Variants in HIVEP1 observed in about 807,000 individuals in gnomAD.
The protein encoded by HIVEP1 is zinc finger protein 40.
Under a neutral mutation model 180.0 loss-of-function variants are expected in HIVEP1, and 36 were observed. The ratio of observed to expected loss-of-function variants is 0.20; its 90% CI spans 0.15 to 0.26. The LOEUF (loss-of-function observed/expected upper bound fraction) is 0.26, where lower values mean the gene tolerates loss of function less well. HIVEP1 is among the 10% of genes least tolerant of loss of function. The probability of loss-of-function intolerance (pLI) is 1.00; values close to 1 mark genes in which losing one functional copy is unlikely to be tolerated. For missense variants in HIVEP1, 3,143 were observed against 3,268.7 expected, an observed-to-expected ratio of 0.96 and a Z score of 0.94; for synonymous variants, 1,239 against 1,239.0, an observed-to-expected ratio of 1.00 and a Z score of 0.00.
chr6:12,019,167 G>C (rs1214653623), intron 2 of HIVEP1, among the ~76,000 whole-genome samples: 1 of 152,158 alleles, frequency 6.6e-6, no homozygotes, highest in African/African-American at 2.4e-5. Flanking sequence ...TCAGGGAAGC[G>C]GCGGCTTCTG....
At position 12,121,407 on chromosome 6, in the gene HIVEP1, C is replaced by A; in HGVS notation, c.1612C>A (p.Pro538Thr). Residue 538 changes from proline to threonine, a missense_variant, in exon 4 of 9, where the codon CCA becomes ACA. Around this residue, in one of 12 missense-constraint regions of HIVEP1, gnomAD observed 365 missense variants for 344.4 expected, o/e 1.06. Coordinates refer to ENST00000379388, the MANE Select transcript of HIVEP1 (RefSeq NM_002114.4). The surrounding 1 kb of genome is among the most constrained non-coding windows in gnomAD (Gnocchi z 5.3). ...AAAATCAAGCTTCACTCCAAGCAGTCCAGAAAATGTGATAGGTGACTTTTT... is the reference window on the plus strand; with the variant it reads ...AAAATCAAGCTTCACTCCAAGCAGTACAGAAAATGTGATAGGTGACTTTTT... ...LLKSSFTPSSPENVIGDFLLQ... is the reference protein window; with the variant it reads ...LLKSSFTPSSTENVIGDFLLQ... 1 of 1,614,132 alleles carries A rather than the reference C, an allele frequency of 6.2e-7. No individual in the cohort carries two copies. Among genetic ancestry groups the A allele is most frequent in the South Asian group, 1.1e-5 (1 of 91,076 alleles).
At chr6:12,113,447 C>T (rs1427971172) in intron 3 of HIVEP1, among the ~76,000 whole-genome samples, 8 of 151,896 alleles carry the variant, frequency 5.3e-5, no homozygotes, top group South Asian at 2.1e-4. Flanking sequence ...CAGGCTGAAG[C>T]GGAGTGAGTC....
intron 2 of HIVEP1, among the ~76,000 whole-genome samples, chr6:12,060,870 G>C (rs1286878504): frequency 1.3e-5 from 2 of 152,176 alleles, no homozygotes; most frequent in African/African-American, 4.8e-5. Context: ...ATTAAGTAGG[G>C]AGGGAAAATG....
intron 3 of HIVEP1, among the ~76,000 whole-genome samples, chr6:12,101,484 CTGG>C (rs1774110111): frequency 2.0e-5 from 3 of 151,864 alleles, no homozygotes; most frequent in South Asian, 4.2e-4. Context: ...CCACATCTCA[CTGG>C]AATTAAGTTA....
intron 2 of HIVEP1, chr6:12,020,287 T>C (rs900596814): frequency 8.5e-6 from 4 of 470,806 alleles, no homozygotes; most frequent in African/African-American, 4.0e-5. Flanking sequence ...ACCTATCCTT[T>C]GTGAGGTTGA....
chr6:12,097,256 A>T (rs1444911367), intron 3 of HIVEP1, among the ~76,000 whole-genome samples: 1 of 150,666 alleles, frequency 6.6e-6, no homozygotes, highest in Non-Finnish European at 1.5e-5. Context: ...CCTAAAAATT[A>T]TGTTTTTTCC....
chr6:12,174,292 T>C, the HIVEP1 span, among the ~76,000 whole-genome samples: 1 of 152,192 alleles, frequency 6.6e-6, no homozygotes, highest in African/African-American at 2.4e-5. Flanking sequence ...TCAAAAAATA[T>C]GTCTATGAGG....
At chr6:12,212,043 G>T in the HIVEP1 span, among the ~76,000 whole-genome samples, 1 of 152,216 alleles carries the variant, frequency 6.6e-6, no homozygotes, top group Non-Finnish European at 1.5e-5. Flanking sequence ...GAGGGCACAG[G>T]TATTTCTCAG....
chr6:12,110,787 A>G (rs937603020), intron 3 of HIVEP1, among the ~76,000 whole-genome samples: 5 of 152,202 alleles, frequency 3.3e-5, no homozygotes, highest in African/African-American at 9.6e-5. Context: ...TTGCATTCAC[A>G]ACTTGGCTTA....
intron 2 of HIVEP1, among the ~76,000 whole-genome samples, chr6:12,064,041 G>T (rs1050701909): frequency 1.3e-5 from 2 of 152,138 alleles, no homozygotes; most frequent in Non-Finnish European, 2.9e-5. Flanking sequence ...CCTCTTCCTG[G>T]ATTCTTGCCA....
intron 7 of HIVEP1, among the ~76,000 whole-genome samples, chr6:12,148,623 CACAA>C (rs924282509): frequency 3.3e-5 from 5 of 152,200 alleles, no homozygotes; most frequent in Admixed American, 2.0e-4. Context: ...AGTCATGTTA[CACAA>C]ACAGACTGCT....
chr6:12,199,254 C>T, the HIVEP1 span, among the ~76,000 whole-genome samples: 2 of 152,090 alleles, frequency 1.3e-5, no homozygotes, highest in African/African-American at 4.8e-5. Flanking sequence ...GACAGGACAC[C>T]AGTCACTACA....
rs1226346687 is a variant in HIVEP1 at position 12,125,580 on chromosome 6, C to T, written c.5785C>T (p.Gln1929Ter). Residue 1929 changes from glutamine to a stop codon, truncating the protein, a stop_gained, in exon 4 of 9, where the codon CAG becomes TAG. Coordinates refer to ENST00000379388, the MANE Select transcript of HIVEP1 (RefSeq NM_002114.4). LOFTEE classifies it high-confidence loss of function. The stretch of plus-strand genomic sequence containing the variant: ...TTCATTGTTTAACATCAAGGACACC[C>T]AGCAGCTGGCTTTCCCTAGCCTGAA... ...SLSLFNIKDT[Q>*]QLAFPSLKTT... 6.2e-7 allele frequency: 1 copy of T among 1,614,204 alleles called. No homozygotes were observed. The highest frequency in any genetic ancestry group is 8.5e-7 in the Non-Finnish European group (1 of 1,180,030).
chr6:12,195,828 G>A, the HIVEP1 span, among the ~76,000 whole-genome samples: 1 of 152,138 alleles, frequency 6.6e-6, no homozygotes, highest in African/African-American at 2.4e-5. Flanking sequence ...AAAACTCATT[G>A]AGATCTTTAC....
At chr6:12,195,793 G>T in the HIVEP1 span, among the ~76,000 whole-genome samples, 77 of 152,310 alleles carry the variant, frequency 5.1e-4, 3 homozygotes, top group East Asian at 0.014. Context: ...TGATGCCATA[G>T]ATAACTGGTT....
chr6:12,198,168 AG>A, the HIVEP1 span, among the ~76,000 whole-genome samples: 1 of 152,258 alleles, frequency 6.6e-6, no homozygotes, highest in South Asian at 2.1e-4. Flanking sequence ...TAGAGACCAT[AG>A]TCTCTATATG....
chr6:12,065,732 A>C (rs902655714), intron 2 of HIVEP1, among the ~76,000 whole-genome samples: 1 of 151,750 alleles, frequency 6.6e-6, no homozygotes, highest in Admixed American at 6.6e-5. Flanking sequence ...GGTTGTTACA[A>C]TATAATAACT....
At chr6:12,195,561 G>T in the HIVEP1 span, among the ~76,000 whole-genome samples, 6 of 152,114 alleles carry the variant, frequency 3.9e-5, no homozygotes, top group Non-Finnish European at 7.4e-5. Flanking sequence ...ACAATTAACT[G>T]GTCCTATACA....
chr6:12,098,023 T>C (rs979148328), intron 3 of HIVEP1, among the ~76,000 whole-genome samples: 3 of 152,186 alleles, frequency 2.0e-5, no homozygotes, highest in African/African-American at 7.2e-5. Flanking sequence ...CACATTCTTG[T>C]GCATACTTAT....
Sources: gnomAD v4.1 joint callset for allele counts (sites outside exome capture counted in the v4.1 genomes callset) on GRCh38, gnomAD v4.1.1 for gene constraint, gnomAD v4.1.1 regional missense constraint, Gnocchi (gnomAD v3.1) non-coding constraint, MANE v1.5 for transcripts, NCBI Gene and HGNC (gene_info 2026-07-23, HGNC 2026-07-21) for gene names.